The following KIAA1328 variants were observed in gnomAD, a reference collection of about 807,000 sequenced individuals.
The protein encoded by KIAA1328 is protein hinderin.
KIAA1328 carries 52 observed loss-of-function variants against 68.1 expected under a neutral mutation model. That is an observed-to-expected ratio of 0.76 (90% CI 0.61 to 0.96). KIAA1328 has a LOEUF of 0.96. Among genes scored for constraint, KIAA1328 ranks in the 40% least tolerant of loss-of-function variants. KIAA1328 has a pLI of 0.00. For missense variants in KIAA1328, 641 were observed against 677.6 expected (o/e 0.95, Z 0.60); for synonymous variants, 232 against 239.4 (o/e 0.97, Z 0.28).
chr18:37,142,697 A>G (rs927060903), intron 7 of KIAA1328, among the ~76,000 whole-genome samples: 1 of 152,140 alleles, frequency 6.6e-6, no homozygotes, highest in African/African-American at 2.4e-5. Flanking sequence ...TCTTATATCA[A>G]TGCCACACAC....
intron 6 of KIAA1328, among the ~76,000 whole-genome samples, chr18:36,986,388 A>G (rs2052926112): frequency 6.6e-6 from 1 of 151,130 alleles, no homozygotes; most frequent in Non-Finnish European, 1.5e-5. Context: ...ACCCTAGAAG[A>G]AAACCTAGGC....
chr18:36,979,297 A>G (rs1201375962), intron 6 of KIAA1328, among the ~76,000 whole-genome samples: 1 of 152,208 alleles, frequency 6.6e-6, no homozygotes, highest in East Asian at 1.9e-4. Flanking sequence ...AGAAGGTTTT[A>G]TGTTTATTAT....
downstream of KIAA1328, among the ~76,000 whole-genome samples, chr18:37,226,112 C>G (rs1367713931): frequency 6.6e-6 from 1 of 152,082 alleles, no homozygotes; most frequent in Non-Finnish European, 1.5e-5. Flanking sequence ...TCTCTCTTTC[C>G]TTTTGCAGCA....
intron 6 of KIAA1328, among the ~76,000 whole-genome samples, chr18:37,006,760 C>T (rs2053800194): frequency 1.3e-5 from 2 of 152,020 alleles, no homozygotes; most frequent in Admixed American, 1.3e-4. Flanking sequence ...TAAGTGTCTT[C>T]TCAGTTCTGT....
At chr18:37,024,451 A>G (rs1425584334) in intron 6 of KIAA1328, among the ~76,000 whole-genome samples, 1 of 151,654 alleles carries the variant, frequency 6.6e-6, no homozygotes, top group African/African-American at 2.4e-5. Flanking sequence ...ATATGTATAC[A>G]TGTGCCAGGT....
chr18:37,020,058 T>C (rs574526234), intron 6 of KIAA1328, among the ~76,000 whole-genome samples: 8 of 152,226 alleles, frequency 5.3e-5, no homozygotes, highest in South Asian at 2.1e-4. Context: ...CGAAGATCTC[T>C]GCACAGGTGG....
At chr18:36,849,688 G>C (rs1291992402) in intron 4 of KIAA1328, among the ~76,000 whole-genome samples, 1 of 152,046 alleles carries the variant, frequency 6.6e-6, no homozygotes, top group Non-Finnish European at 1.5e-5. Flanking sequence ...TTGAGTACAA[G>C]TTTTGTTTGA....
chr18:37,158,402 C>T (rs539325160), intron 7 of KIAA1328, among the ~76,000 whole-genome samples: 7 of 152,224 alleles, frequency 4.6e-5, no homozygotes, highest in Non-Finnish European at 8.8e-5. Flanking sequence ...TGTCCCCACA[C>T]GCTCACTGAC....
intron 6 of KIAA1328, among the ~76,000 whole-genome samples, chr18:37,009,217 A>AT (rs539872539): frequency 1.9e-3 from 289 of 152,164 alleles, no homozygotes; most frequent in Non-Finnish European, 3.4e-3. Context: ...CCTATTATCC[A>AT]TTTTTTTACT....
chr18:36,882,605 A>C (rs939683059), intron 4 of KIAA1328, among the ~76,000 whole-genome samples: 1 of 152,206 alleles, frequency 6.6e-6, no homozygotes, highest in Admixed American at 6.5e-5. Flanking sequence ...TAATTGCTAA[A>C]GGATAGTCAA....
chr18:37,226,762 T>A (rs2154228080), downstream of KIAA1328, among the ~76,000 whole-genome samples: 1 of 141,790 alleles, frequency 7.1e-6, no homozygotes, highest in East Asian at 2.0e-4. Context: ...GCCATGAAGA[T>A]CCATGCAAAA....
rs1364689488 is a variant in KIAA1328 at position 37,073,588 on chromosome 18, A to G, written c.1232+6043A>G. Among the ~76,000 whole-genome samples, 7 of 152,062 alleles carry G rather than the reference A, an allele frequency of 4.6e-5. No homozygotes were observed. In the East Asian group the frequency reaches 7.7e-4, roughly 17 times the overall value. On this transcript the variant is annotated intron_variant, in intron 7 of 9. Transcript: ENST00000280020. ...CAGACTGTACAATTTCTCTTGTTCT[A>G]TTCTCAAATTTCTGGTTCTTTCATT...
chr18:36,893,465 T>TTTGTGTGTGTGTGTGTGTGTGTG (rs1556812093), intron 5 of KIAA1328, among the ~76,000 whole-genome samples: 2 of 120,596 alleles, frequency 1.7e-5, no homozygotes, highest in Non-Finnish European at 3.3e-5. Flanking sequence ...GTGTGTGTTT[T>TTTGTGTGTGTGTGTGTGTGTGTG]TGTGTGTGTG....
intron 9 of KIAA1328, among the ~76,000 whole-genome samples, chr18:37,212,569 G>GTAA (rs1471039669): frequency 6.6e-6 from 1 of 152,090 alleles, no homozygotes; most frequent in East Asian, 1.9e-4. Context: ...AAGGGTAATA[G>GTAA]TAATATATGG....
At chr18:36,893,749 A>G (rs900264488) in intron 5 of KIAA1328, among the ~76,000 whole-genome samples, 1 of 152,150 alleles carries the variant, frequency 6.6e-6, no homozygotes, top group Non-Finnish European at 1.5e-5. Context: ...TAGAGCTGCT[A>G]TGAGACTATA....
intron 6 of KIAA1328, among the ~76,000 whole-genome samples, chr18:37,049,576 C>G (rs1466679120): frequency 6.6e-6 from 1 of 152,116 alleles, no homozygotes; most frequent in Non-Finnish European, 1.5e-5. Context: ...GGCTAACCCT[C>G]CAAGGACAGC....
intron 5 of KIAA1328, among the ~76,000 whole-genome samples, chr18:36,900,791 T>C (rs748493971): frequency 6.6e-6 from 1 of 152,054 alleles, no homozygotes; most frequent in Non-Finnish European, 1.5e-5. Flanking sequence ...TTTATGCTAA[T>C]GTGCTTCCCT....
At chr18:37,103,022 A>T (rs1046760925) in intron 7 of KIAA1328, among the ~76,000 whole-genome samples, 11 of 152,206 alleles carry the variant, frequency 7.2e-5, no homozygotes, top group Non-Finnish European at 1.5e-4. Flanking sequence ...AAGCAAGCTG[A>T]AAGAAATTGA....
intron 6 of KIAA1328, among the ~76,000 whole-genome samples, chr18:36,964,792 A>G (rs890576258): frequency 1.6e-4 from 24 of 152,150 alleles, no homozygotes; most frequent in African/African-American, 5.5e-4. Flanking sequence ...GTACTTAGCT[A>G]TAGTACAATC....
Sources: allele counts gnomAD v4.1 joint callset (sites outside exome capture counted in the v4.1 genomes callset), GRCh38; gene constraint gnomAD v4.1.1; transcripts MANE v1.5; gene names NCBI Gene and HGNC (gene_info 2026-07-23, HGNC 2026-07-21).